PLA2G4A: variants seen among roughly 807,000 people sequenced by gnomAD.
The protein encoded by PLA2G4A is phospholipase A2 group IVA.
In PLA2G4A, 40 loss-of-function variants were observed where a neutral mutation model predicts 81.9. That is an observed-to-expected ratio of 0.49 (90% CI 0.38 to 0.64). The LOEUF (loss-of-function observed/expected upper bound fraction) is 0.64. Ranked by LOEUF, PLA2G4A falls within the 30% of genes least tolerant of loss-of-function variation. PLA2G4A has a pLI of 0.00. For missense variants in PLA2G4A, 715 were observed against 905.1 expected (o/e 0.79, Z 2.69); for synonymous variants, 302 against 296.9 (o/e 1.02, Z -0.18).
intron 15 of PLA2G4A, among the ~76,000 whole-genome samples, chr1:186,975,222 TAAA>T (rs770001849): frequency 2.0e-5 from 3 of 152,228 alleles, no homozygotes; most frequent in Non-Finnish European, 4.4e-5. Flanking sequence ...AGATTGGTGA[TAAA>T]AGCTTTCTCA....
At chr1:186,847,691 G>A (rs1292232322) in intron 1 of PLA2G4A, among the ~76,000 whole-genome samples, 1 of 152,108 alleles carries the variant, frequency 6.6e-6, no homozygotes, top group East Asian at 1.9e-4. Flanking sequence ...GATGTGGGAA[G>A]AGCTTCAGAA....
At chr1:186,835,775 C>A (rs551603662) in intron 1 of PLA2G4A, among the ~76,000 whole-genome samples, 2 of 152,266 alleles carry the variant, frequency 1.3e-5, no homozygotes, top group East Asian at 3.9e-4. Flanking sequence ...TCTTAGAAGA[C>A]AATGCCACTA....
chr1:186,974,520 A>G (rs1324762891), intron 15 of PLA2G4A, among the ~76,000 whole-genome samples: 1 of 152,198 alleles, frequency 6.6e-6, no homozygotes, highest in South Asian at 2.1e-4. Flanking sequence ...GAGCACAGAC[A>G]TCTTACGAAG....
At chr1:186,934,443 C>CATATATAT (rs71571011) in intron 8 of PLA2G4A, among the ~76,000 whole-genome samples, 5,569 of 99,470 alleles carry the variant, frequency 0.056, 385 homozygotes, top group East Asian at 0.085. Context: ...TAAATGTGCA[C>CATATATAT]ATATATATAT....
chr1:186,948,331 C>T (rs189738038), intron 12 of PLA2G4A, among the ~76,000 whole-genome samples: 1 of 152,190 alleles, frequency 6.6e-6, no homozygotes, highest in East Asian at 1.9e-4. Context: ...AGGTGGCACC[C>T]ATGAGCCTGC....
chr1:186,834,141 A>G (rs996388804), intron 1 of PLA2G4A, among the ~76,000 whole-genome samples: 1 of 152,104 alleles, frequency 6.6e-6, no homozygotes, highest in African/African-American at 2.4e-5. Context: ...TATTTATGAT[A>G]CTCAGCTTAT....
intron 5 of PLA2G4A, among the ~76,000 whole-genome samples, chr1:186,904,361 A>C (rs1165462928): frequency 1.3e-5 from 2 of 152,220 alleles, no homozygotes; most frequent in Non-Finnish European, 2.9e-5. Flanking sequence ...GGAAGCCTGT[A>C]ATGCAGAGAT....
chr1:186,984,278 C>CT (rs2102306069), intron 17 of PLA2G4A, among the ~76,000 whole-genome samples: 2 of 152,250 alleles, frequency 1.3e-5, no homozygotes, highest in East Asian at 1.9e-4. Context: ...GCTGCATACT[C>CT]TATCTACTCT....
In PLA2G4A at chr1:186,906,955, CT is replaced by C. The variant is rs1353440822; in HGVS notation, c.379-3del. The C allele has an allele frequency of 2.4e-5, 35 of 1,441,382 alleles. No homozygotes were observed. Among genetic ancestry groups the C allele is most frequent in the Non-Finnish European group, 3.0e-5 (31 of 1,024,074 alleles). The allele number at this position is 1,441,382 out of a possible 1,614,324, so 89.3% of individuals were successfully genotyped here. On this transcript the variant is annotated splice_polypyrimidine_tract_variant and intron_variant, in intron 5 of 17. Coordinates refer to ENST00000367466, the MANE Select transcript of PLA2G4A (RefSeq NM_024420.3). The stretch of plus-strand genomic sequence containing the variant: ...TTATGACCTAATCTGATTAACATGT[CT>C]TTTTTTAGGTCACTGAAATGGTTCT...
intron 7 of PLA2G4A, among the ~76,000 whole-genome samples, chr1:186,921,308 G>A (rs1468780519): frequency 1.3e-5 from 2 of 152,176 alleles, no homozygotes; most frequent in Admixed American, 6.5e-5. Flanking sequence ...GTGTTTAAAA[G>A]TTACATGAGC....
chr1:186,935,268 T>C (rs1655899519), intron 8 of PLA2G4A, among the ~76,000 whole-genome samples: 1 of 151,572 alleles, frequency 6.6e-6, no homozygotes, highest in Non-Finnish European at 1.5e-5. Flanking sequence ...AAATAAGAAG[T>C]GAATAAAACA....
At chr1:186,872,199 AT>A (rs1653298570) in intron 3 of PLA2G4A, among the ~76,000 whole-genome samples, 1 of 151,860 alleles carries the variant, frequency 6.6e-6, no homozygotes, top group Non-Finnish European at 1.5e-5. Flanking sequence ...CTTTATTAAT[AT>A]TTTTCTGAAG....
chr1:186,962,753 C>T (rs1184390047), intron 14 of PLA2G4A, among the ~76,000 whole-genome samples: 1 of 152,114 alleles, frequency 6.6e-6, no homozygotes, highest in Non-Finnish European at 1.5e-5. Context: ...ATCTCCTCAC[C>T]TCGTGATCCA....
intron 7 of PLA2G4A, among the ~76,000 whole-genome samples, chr1:186,918,832 C>A (rs142478341): frequency 1.3e-5 from 2 of 152,214 alleles, no homozygotes; most frequent in African/African-American, 4.8e-5. Flanking sequence ...CCAATGATGT[C>A]CTTCGGTAGT....
In PLA2G4A at chr1:186,958,392, G is replaced by A. The variant is rs537886235; in HGVS notation, c.1579+2048G>A. On this transcript the variant is annotated intron_variant, in intron 14 of 17. Coordinates refer to ENST00000367466, the MANE Select transcript of PLA2G4A (RefSeq NM_024420.3). ...GTTTAGTCACATAACTATGCTTATT[G>A]CCATCGCAATACCAATTAAATATGT... is the stretch of plus-strand genomic sequence containing the variant. Among the ~76,000 whole-genome samples the A allele has an allele frequency of 5.3e-5, 8 of 152,004 alleles. No individual in the cohort carries two copies. In the South Asian group the frequency reaches 1.7e-3, roughly 32 times the overall value.
At chr1:186,904,982 G>A (rs1033472144) in intron 5 of PLA2G4A, among the ~76,000 whole-genome samples, 1 of 152,082 alleles carries the variant, frequency 6.6e-6, no homozygotes, top group South Asian at 2.1e-4. Context: ...AGCCTCCCGA[G>A]TAGCTGAGAT....
In PLA2G4A at chr1:186,977,702, C is replaced by A; in HGVS notation, c.1874C>A (p.Pro625His). ...EGLKECYVFKPKNPDMEKDCP... is the reference protein window; with the variant it reads ...EGLKECYVFKHKNPDMEKDCP... ...CTGAAGGAGTGCTATGTCTTTAAACCCAAGAATCCTGATATGGAGAAAGAT... is the reference window on the plus strand; with the variant it reads ...CTGAAGGAGTGCTATGTCTTTAAACACAAGAATCCTGATATGGAGAAAGAT... The change falls in exon 16 of 18, where the codon CCC (proline) becomes CAC (histidine). Residue 625 changes from proline to histidine, a missense_variant. By Grantham distance (77) the Pro-to-His change is moderately conservative. Transcript: ENST00000367466. 1 of 1,613,300 alleles carries A rather than the reference C, an allele frequency of 6.2e-7. No individual in the cohort carries two copies. The highest frequency in any genetic ancestry group is 8.5e-7 in the Non-Finnish European group (1 of 1,179,304).
At chr1:186,944,861 T>A (rs1656281441) in intron 10 of PLA2G4A, among the ~76,000 whole-genome samples, 2 of 152,162 alleles carry the variant, frequency 1.3e-5, no homozygotes, top group Non-Finnish European at 1.5e-5. Flanking sequence ...AATATCCACA[T>A]TGAGTGGGAT....
rs140491987 is a variant in PLA2G4A at position 186,862,371 on chromosome 1, C to T, written c.33+7984C>T. On this transcript the variant is annotated intron_variant, in intron 2 of 17. Transcript: ENST00000367466. ...CTGGGATTACAGGCGTGGGCTACCA[C>T]GCTCAGCTACTTTTTTGTATTTTTA... Among the ~76,000 whole-genome samples, 156 of 151,994 alleles carry T rather than the reference C, an allele frequency of 1.0e-3. 1 individual carries two copies. The highest frequency in any genetic ancestry group is 3.4e-3 in the African/African-American group (142 of 41,470).
Sources: allele counts gnomAD v4.1 joint callset (sites outside exome capture counted in the v4.1 genomes callset), GRCh38; gene constraint gnomAD v4.1.1; transcripts MANE v1.5; gene names NCBI Gene and HGNC (gene_info 2026-07-23, HGNC 2026-07-21).